Variants in GTF2F2 observed in about 807,000 individuals in gnomAD.
GTF2F2 encodes the protein ATP-dependent helicase GTF2F2.
Under a neutral mutation model 42.2 loss-of-function variants are expected in GTF2F2, and 23 were observed. The ratio of observed to expected loss-of-function variants is 0.55; its 90% confidence interval spans 0.39 to 0.77. GTF2F2 has a LOEUF of 0.77. GTF2F2 is among the 30% of genes least tolerant of loss of function. The pLI, the probability that GTF2F2 is intolerant of heterozygous loss-of-function variation, is 0.00. For missense variants in GTF2F2, 261 were observed against 287.2 expected (o/e 0.91, Z 0.66); for synonymous variants, 105 against 100.8 (o/e 1.04, Z -0.25).
intron 5 of GTF2F2, among the ~76,000 whole-genome samples, chr13:45,232,600 A>T (rs912322643): frequency 2.0e-5 from 3 of 152,136 alleles, no homozygotes; most frequent in South Asian, 2.1e-4. Flanking sequence ...ACGCCACTGC[A>T]CTCCAGCCTG....
At chr13:45,252,233 C>T (rs1875908112) in intron 5 of GTF2F2, among the ~76,000 whole-genome samples, 1 of 152,202 alleles carries the variant, frequency 6.6e-6, no homozygotes, top group Non-Finnish European at 1.5e-5. Flanking sequence ...GCCTCGACCT[C>T]CCAGGCTCAA....
intron 4 of GTF2F2, among the ~76,000 whole-genome samples, chr13:45,157,323 G>A (rs1870810286): frequency 6.6e-6 from 1 of 152,212 alleles, no homozygotes; most frequent in African/African-American, 2.4e-5. Flanking sequence ...GGCAGTGGCA[G>A]ATCATGAAAA....
At chr13:45,167,415 T>A (rs1211097998) in intron 4 of GTF2F2, among the ~76,000 whole-genome samples, 5 of 148,942 alleles carry the variant, frequency 3.4e-5, no homozygotes, top group African/African-American at 5.0e-5. Context: ...TTTTTTTTTT[T>A]TGAGATAGAG....
At chr13:45,231,116 T>C (rs1296857013) in intron 5 of GTF2F2, among the ~76,000 whole-genome samples, 3 of 151,814 alleles carry the variant, frequency 2.0e-5, no homozygotes, top group Non-Finnish European at 4.4e-5. Context: ...ATTATTTATT[T>C]ATTAATTTTG....
At chr13:45,223,401 A>C (rs1057205953) in intron 5 of GTF2F2, among the ~76,000 whole-genome samples, 7 of 152,166 alleles carry the variant, frequency 4.6e-5, no homozygotes, top group Non-Finnish European at 1.0e-4. Context: ...TTAATTTATA[A>C]ATCTGTTGTT....
At chr13:45,259,178 G>A (rs566540386) in intron 6 of GTF2F2, among the ~76,000 whole-genome samples, 21 of 152,256 alleles carry the variant, frequency 1.4e-4, no homozygotes, top group African/African-American at 4.6e-4. Flanking sequence ...TGTAATCCCA[G>A]CACTTTGGGA....
chr13:45,180,230 T>A (rs1872084275), intron 4 of GTF2F2, among the ~76,000 whole-genome samples: 1 of 152,180 alleles, frequency 6.6e-6, no homozygotes, highest in Admixed American at 6.6e-5. Flanking sequence ...TTTGATCATG[T>A]CATCTTATTC....
At chr13:45,180,943 C>G (rs1425242324) in intron 4 of GTF2F2, among the ~76,000 whole-genome samples, 1 of 152,018 alleles carries the variant, frequency 6.6e-6, no homozygotes, top group African/African-American at 2.4e-5. Context: ...AGGAGGATCA[C>G]TTGAGCCCAG....
rs112798602 is a variant in GTF2F2, at chr13:45,254,441, A to C, written c.486+1471A>C. On this transcript the variant is annotated intron_variant, in intron 6 of 7. Transcript: ENST00000340473. ...CTTATATGTACTATATGTATTATAC[A>C]ATATACACATTTATTGCATACATAT... Among the ~76,000 whole-genome samples, 967 of 152,334 alleles carry C rather than the reference A, an allele frequency of 6.3e-3. 11 individuals are homozygous for C. Among genetic ancestry groups the C allele is most frequent in the African/African-American group, 0.022 (908 of 41,566 alleles).
chr13:45,140,335 C>T (rs1041401002), intron 2 of GTF2F2, among the ~76,000 whole-genome samples: 4 of 152,182 alleles, frequency 2.6e-5, no homozygotes, highest in South Asian at 2.1e-4. Context: ...TGTAATATCT[C>T]GTTTTCTCAA....
At chr13:45,186,134 C>G (rs901482464) in intron 4 of GTF2F2, among the ~76,000 whole-genome samples, 2 of 151,746 alleles carry the variant, frequency 1.3e-5, no homozygotes, top group South Asian at 2.1e-4. Context: ...GCCACCATGC[C>G]CAGCTAAGTT....
intron 5 of GTF2F2, among the ~76,000 whole-genome samples, chr13:45,252,371 C>G (rs1047630883): frequency 1.3e-5 from 2 of 152,042 alleles, no homozygotes; most frequent in Non-Finnish European, 2.9e-5. Context: ...AGTTCTAGAG[C>G]AGTGCTGTCT....
chr13:45,129,809 T>G (rs1869240508), intron 1 of GTF2F2, among the ~76,000 whole-genome samples: 2 of 152,202 alleles, frequency 1.3e-5, no homozygotes, highest in African/African-American at 4.8e-5. Flanking sequence ...TGATAAGTGC[T>G]CTGAAGAAAA....
intron 5 of GTF2F2, among the ~76,000 whole-genome samples, chr13:45,240,100 GA>G (rs1875205965): frequency 9.7e-6 from 1 of 102,900 alleles, no homozygotes; most frequent in Non-Finnish European, 1.9e-5. Flanking sequence ...TATGTAGAGG[GA>G]TTTTTTTTTT....
intron 5 of GTF2F2, among the ~76,000 whole-genome samples, chr13:45,249,800 T>TA (rs1875799182): frequency 6.6e-6 from 1 of 151,848 alleles, no homozygotes; most frequent in Non-Finnish European, 1.5e-5. Flanking sequence ...CCCTGAGAGC[T>TA]GATTGCATTA....
chr13:45,278,718 G>T lies in GTF2F2; in HGVS notation c.631-4724G>T, dbSNP rs148327636. Among the ~76,000 whole-genome samples the T allele has an allele frequency of 3.4e-3, 508 of 151,562 alleles. 1 individual carries two copies. Among genetic ancestry groups the T allele is most frequent in the African/African-American group, 0.012 (492 of 41,272 alleles). ...CAAAGAACCTAACATCTCTATGCGG[G>T]CTGTGTTAGGTGCCCCCTTCTCAGT... On this transcript the variant is annotated intron_variant, in intron 7 of 7. Transcript: ENST00000340473.
intron 5 of GTF2F2, among the ~76,000 whole-genome samples, chr13:45,246,288 G>A (rs1411760935): frequency 1.3e-5 from 2 of 152,092 alleles, no homozygotes; most frequent in African/African-American, 4.8e-5. Context: ...TGGGATTACA[G>A]GCGTGAGCCA....
At chr13:45,160,780 T>A (rs1014179380) in intron 4 of GTF2F2, among the ~76,000 whole-genome samples, 13 of 148,220 alleles carry the variant, frequency 8.8e-5, no homozygotes, top group Admixed American at 4.7e-4. Flanking sequence ...TTTTTTTTTT[T>A]AAAGGATGGG....
At chr13:45,179,082 A>G (rs531761195) in intron 4 of GTF2F2, among the ~76,000 whole-genome samples, 36 of 152,292 alleles carry the variant, frequency 2.4e-4, no homozygotes, top group Middle Eastern at 3.4e-3. Flanking sequence ...TCTCTTAAGG[A>G]CTGGGCTTGG....
Sources: gnomAD v4.1 joint callset for allele counts (sites outside exome capture counted in the v4.1 genomes callset) on GRCh38, gnomAD v4.1.1 for gene constraint, MANE v1.5 for transcripts, NCBI Gene and HGNC (gene_info 2026-07-23, HGNC 2026-07-21) for gene names.